THEMIS: variants seen among roughly 807,000 people sequenced by gnomAD.
The protein encoded by THEMIS is protein THEMIS.
Under a neutral mutation model 52.6 loss-of-function variants are expected in THEMIS, and 37 were observed. The observed-to-expected ratio is 0.70, with a 90% CI of 0.54 to 0.93. The LOEUF is 0.93. Ranked by LOEUF, THEMIS falls within the 40% of genes least tolerant of loss-of-function variation. The probability of loss-of-function intolerance (pLI) is 0.00; values close to 1 mark genes in which losing one functional copy is unlikely to be tolerated. For synonymous variants in THEMIS, 292 were observed against 272.7 expected, an observed-to-expected ratio of 1.07 and a Z score of -0.70; for missense variants, 808 against 763.1, an observed-to-expected ratio of 1.06 and a Z score of -0.69.
intron 4 of THEMIS, among the ~76,000 whole-genome samples, chr6:127,793,642 G>A (rs904062587): frequency 3.9e-5 from 6 of 152,088 alleles, no homozygotes; most frequent in African/African-American, 1.4e-4. Flanking sequence ...CCTGTTTCCT[G>A]TCTTTAAAAT....
chr6:127,761,816 A>G (rs1438718810), intron 4 of THEMIS, among the ~76,000 whole-genome samples: 1 of 152,136 alleles, frequency 6.6e-6, no homozygotes, highest in Non-Finnish European at 1.5e-5. Flanking sequence ...GAGTGCCAAT[A>G]GCACAGCCAT....
At chr6:127,854,911 TCCC>T (rs952770010) in intron 2 of THEMIS, 116 bp downstream of exon 2, 1 of 806,438 alleles carries the variant, frequency 1.2e-6, no homozygotes, top group East Asian at 3.3e-5. Context: ...TTCCGGATTT[TCCC>T]CCCCATTATC....
chr6:127,698,494 G>A, the THEMIS span, among the ~76,000 whole-genome samples: 15 of 152,138 alleles, frequency 9.9e-5, no homozygotes, highest in East Asian at 2.9e-3. Context: ...TATTAAAATT[G>A]TAGTATATTA....
chr6:127,767,655 GT>G (rs970378864), intron 4 of THEMIS, among the ~76,000 whole-genome samples: 61 of 151,982 alleles, frequency 4.0e-4, no homozygotes, highest in African/African-American at 1.3e-3. Context: ...ACCTGAGATT[GT>G]TTTACAGTAA....
At chr6:127,725,444 G>T (rs1774508461) in intron 4 of THEMIS, among the ~76,000 whole-genome samples, 1 of 151,878 alleles carries the variant, frequency 6.6e-6, no homozygotes, top group African/African-American at 2.4e-5. Context: ...GTGTGTGTGT[G>T]TGTGTCTGTG....
intron 4 of THEMIS, among the ~76,000 whole-genome samples, chr6:127,784,528 T>A (rs1011227117): frequency 1.3e-5 from 2 of 152,158 alleles, no homozygotes; most frequent in Non-Finnish European, 2.9e-5. Context: ...CATCAGCACA[T>A]TAAATCCTCT....
chr6:127,793,487 T>C (rs1777223467), intron 4 of THEMIS, among the ~76,000 whole-genome samples: 2 of 152,056 alleles, frequency 1.3e-5, no homozygotes, highest in Admixed American at 6.6e-5. Flanking sequence ...TTCTACTACA[T>C]GCAGGATTAA....
At chr6:127,879,736 G>T (rs1203513149) in intron 1 of THEMIS, among the ~76,000 whole-genome samples, 1 of 151,934 alleles carries the variant, frequency 6.6e-6, no homozygotes, top group African/African-American at 2.4e-5. Context: ...CGAGGACTTA[G>T]TGCAGTCGGG....
chr6:127,881,178 A>T (rs1780474612), intron 1 of THEMIS, among the ~76,000 whole-genome samples: 1 of 152,098 alleles, frequency 6.6e-6, no homozygotes, highest in African/African-American at 2.4e-5. Context: ...TACCAGTATC[A>T]TAATATACAA....
rs547543523 is a variant in THEMIS, at chr6:127,858,594, AT to A, written c.92-3407del. Among the ~76,000 whole-genome samples, 29 of 152,284 alleles carry A rather than the reference AT, an allele frequency of 1.9e-4. No homozygotes were observed. In the South Asian group the frequency reaches 6.0e-3, roughly 32 times the overall value. ...TAAGTTAAAATGGTGAATTTTAAAA[AT>A]ATCCAACTTTCATTATCTCAAAACA... On this transcript the variant is annotated intron_variant, in intron 1 of 5. Coordinates refer to ENST00000368248, the MANE Select transcript of THEMIS (RefSeq NM_001010923.3).
the THEMIS span, among the ~76,000 whole-genome samples, chr6:127,698,560 C>T: frequency 1.3e-5 from 2 of 152,046 alleles, no homozygotes; most frequent in Admixed American, 1.3e-4. Flanking sequence ...TGAGTTTTCT[C>T]CTCCTGTTAT....
intron 2 of THEMIS, among the ~76,000 whole-genome samples, chr6:127,841,244 G>A (rs1779038649): frequency 6.6e-6 from 1 of 151,870 alleles, no homozygotes; most frequent in Non-Finnish European, 1.5e-5. Flanking sequence ...CATTCCAGTG[G>A]CAAAACCTCT....
At chr6:127,713,631 T>G (rs1774059505) in intron 5 of THEMIS, among the ~76,000 whole-genome samples, 1 of 151,836 alleles carries the variant, frequency 6.6e-6, no homozygotes. Context: ...AGGTGATAAC[T>G]AAGAAGGTAA....
At chr6:127,880,250 G>C (rs1182358475) in intron 1 of THEMIS, among the ~76,000 whole-genome samples, 1 of 152,084 alleles carries the variant, frequency 6.6e-6, no homozygotes, top group South Asian at 2.1e-4. Flanking sequence ...AAAGTTAAAA[G>C]GAGGATGGAA....
intron 1 of THEMIS, among the ~76,000 whole-genome samples, chr6:127,872,645 CA>C (rs1780192461): frequency 6.6e-6 from 1 of 152,024 alleles, no homozygotes; most frequent in South Asian, 2.1e-4. Flanking sequence ...ATAAAACAAA[CA>C]AGCAAAACAA....
chr6:127,894,998 TG>T (rs199557587), intron 1 of THEMIS, among the ~76,000 whole-genome samples: 2,795 of 148,630 alleles, frequency 0.019, 106 homozygotes, highest in African/African-American at 0.065. Context: ...TATATTTATA[TG>T]AAAAAAATGT....
chr6:127,753,159 T>C (rs1775705742), intron 4 of THEMIS, among the ~76,000 whole-genome samples: 1 of 151,908 alleles, frequency 6.6e-6, no homozygotes, highest in Non-Finnish European at 1.5e-5. Flanking sequence ...AAAAGGAACA[T>C]ACCTCAATAT....
chr6:127,889,693 C>T (rs553644553), intron 1 of THEMIS, among the ~76,000 whole-genome samples: 1 of 152,000 alleles, frequency 6.6e-6, no homozygotes, highest in Non-Finnish European at 1.5e-5. Context: ...CCTAATTTAT[C>T]TCTGCATCGG....
At chr6:127,906,641 A>G (rs1781275972) in intron 1 of THEMIS, among the ~76,000 whole-genome samples, 1 of 151,954 alleles carries the variant, frequency 6.6e-6, no homozygotes. Flanking sequence ...ATTTCACATT[A>G]CCCTAATAAT....
Sources: allele counts gnomAD v4.1 joint callset (sites outside exome capture counted in the v4.1 genomes callset), GRCh38; gene constraint gnomAD v4.1.1; transcripts MANE v1.5; gene names NCBI Gene and HGNC (gene_info 2026-07-23, HGNC 2026-07-21).